The following PTPRQ variants were observed in gnomAD, a reference collection of about 807,000 sequenced individuals.
The protein encoded by PTPRQ is phosphatidylinositol phosphatase PTPRQ.
In PTPRQ, 199 loss-of-function variants were observed where a neutral mutation model predicts 246.0. That is an observed-to-expected ratio of 0.81 (90% CI 0.72 to 0.91). The LOEUF (loss-of-function observed/expected upper bound fraction) is 0.91, where lower values mean the gene tolerates loss of function less well. Among genes scored for constraint, PTPRQ ranks in the 40% least tolerant of loss-of-function variants. The pLI, the probability that PTPRQ is intolerant of heterozygous loss-of-function variation, is 0.00. For missense variants in PTPRQ, 2,624 were observed against 2,528.4 expected (o/e 1.04, Z -0.81); for synonymous variants, 869 against 853.2 (o/e 1.02, Z -0.32).
At chr12:80,615,465 A>G (rs971750687) in intron 29 of PTPRQ, among the ~76,000 whole-genome samples, 1 of 151,200 alleles carries the variant, frequency 6.6e-6, no homozygotes, top group Admixed American at 6.6e-5. Context: ...TAATATAGCA[A>G]GATAAAGTGA....
intron 35 of PTPRQ, among the ~76,000 whole-genome samples, chr12:80,636,883 G>A (rs1023204686): frequency 2.4e-4 from 37 of 152,152 alleles, no homozygotes; most frequent in African/African-American, 8.7e-4. Context: ...GCAGACTGTG[G>A]TGAGATTCAA....
chr12:80,592,565 A>G (rs1206499672), intron 26 of PTPRQ, among the ~76,000 whole-genome samples: 1 of 152,200 alleles, frequency 6.6e-6, no homozygotes, highest in African/African-American at 2.4e-5. Flanking sequence ...GGAAGTCTTG[A>G]AGAGCAATAA....
intron 28 of PTPRQ, 31 bp downstream of exon 28, chr12:80,610,656 TTGAC>T: frequency 6.5e-7 from 1 of 1,537,586 alleles, no homozygotes; most frequent in Non-Finnish European, 8.8e-7. Context: ...TTGCTAAAAA[TTGAC>T]TGAGATTTAG....
intron 26 of PTPRQ, among the ~76,000 whole-genome samples, chr12:80,602,556 C>T (rs1898177748): frequency 6.6e-6 from 1 of 151,742 alleles, no homozygotes; most frequent in South Asian, 2.1e-4. Flanking sequence ...CGCGTGTCCT[C>T]ACACAGTGGA....
At chr12:80,482,506 A>G (rs1261532607) in intron 8 of PTPRQ, among the ~76,000 whole-genome samples, 4 of 151,320 alleles carry the variant, frequency 2.6e-5, no homozygotes, top group Non-Finnish European at 4.4e-5. Flanking sequence ...AATGGCAACA[A>G]AAGACAAAAT....
Position 80,670,458 on chromosome 12 carries a change from G to A in PTPRQ, c.6568G>A (p.Ala2190Thr), listed in dbSNP as rs199746225. Reference sequence around the variant, plus strand: ...TGTGAAGTTGGTTCGAGCAAGCAGGGCACATGACACCACACCTATGATTGT... The same window carrying A: ...TGTGAAGTTGGTTCGAGCAAGCAGGACACATGACACCACACCTATGATTGT... Reference protein sequence around the residue: ...HFVKLVRASRAHDTTPMIVHC... With the variant: ...HFVKLVRASRTHDTTPMIVHC... Residue 2190 changes from alanine to threonine, a missense_variant, in exon 42 of 45, where the codon GCA (alanine) becomes ACA (threonine). Ala to Thr is a moderately conservative substitution (Grantham distance 58, BLOSUM62 0). Transcript: ENST00000644991. 1 of 1,551,136 alleles carries A rather than the reference G, an allele frequency of 6.4e-7. No homozygotes were observed. The highest frequency in any genetic ancestry group is 8.7e-7 in the Non-Finnish European group (1 of 1,146,536).
intron 7 of PTPRQ, among the ~76,000 whole-genome samples, chr12:80,470,782 A>G (rs1185907237): frequency 6.6e-6 from 1 of 152,216 alleles, no homozygotes; most frequent in Non-Finnish European, 1.5e-5. Flanking sequence ...TGTTGATTTC[A>G]GTGGATTTAA....
At chr12:80,588,698 T>C (rs1897697359) in intron 26 of PTPRQ, among the ~76,000 whole-genome samples, 1 of 152,220 alleles carries the variant, frequency 6.6e-6, no homozygotes, top group African/African-American at 2.4e-5. Context: ...GAGTCTCATA[T>C]TGCAACAGTG....
chr12:80,595,208 G>A (rs1203714892), intron 26 of PTPRQ, among the ~76,000 whole-genome samples: 4 of 152,062 alleles, frequency 2.6e-5, no homozygotes, highest in Admixed American at 2.0e-4. Flanking sequence ...TTCTCAACAA[G>A]TGAGCATATT....
At chr12:80,645,973 G>C (rs1457117349) in intron 35 of PTPRQ, among the ~76,000 whole-genome samples, 1 of 152,084 alleles carries the variant, frequency 6.6e-6, no homozygotes, top group African/African-American at 2.4e-5. Flanking sequence ...ATCTCGAATT[G>C]AGAGCTAGAA....
rs1259086423 is a variant in PTPRQ at position 80,669,340 on chromosome 12, T to C, written c.6329T>C (p.Ile2110Thr). The C allele has an allele frequency of 3.9e-6, 6 of 1,549,354 alleles. No homozygotes were observed. The Admixed American group carries it at 9.8e-5, about 25-fold the overall frequency. The change falls in exon 41 of 45, where the codon ATC (isoleucine) becomes ACC (threonine). Residue 2110 changes from isoleucine to threonine, a missense_variant and splice_region_variant. Transcript: ENST00000644991. ...MLTQCFEKGR[I>T]RCHQYWPEDN... ...ACTGATGATTTTCTCTGAATGCAGATCAGATGCCATCAGTATTGGCCAGAG... is the reference window on the plus strand; with the variant it reads ...ACTGATGATTTTCTCTGAATGCAGACCAGATGCCATCAGTATTGGCCAGAG...
At chr12:80,659,641 C>T (rs1290355325) in intron 39 of PTPRQ, among the ~76,000 whole-genome samples, 1 of 151,972 alleles carries the variant, frequency 6.6e-6, no homozygotes, top group East Asian at 1.9e-4. Flanking sequence ...TTCGCAAACC[C>T]CCAGTGTCCC....
At chr12:80,495,833 G>C (rs11114481) in intron 12 of PTPRQ, among the ~76,000 whole-genome samples, 166 bp from the exon 13 acceptor site, 1 of 151,710 alleles carries the variant, frequency 6.6e-6, no homozygotes, top group Non-Finnish European at 1.5e-5. Flanking sequence ...TCACCAACAT[G>C]GAAAGGCCTA....
intron 33 of PTPRQ, among the ~76,000 whole-genome samples, chr12:80,628,918 C>T (rs1899307984): frequency 6.6e-6 from 1 of 151,866 alleles, no homozygotes; most frequent in Non-Finnish European, 1.5e-5. Context: ...CTCAGGCTGC[C>T]ATCACAAAAT....
chr12:80,457,139 T>C (rs947719942), intron 3 of PTPRQ, among the ~76,000 whole-genome samples: 4 of 152,264 alleles, frequency 2.6e-5, no homozygotes, highest in Admixed American at 6.5e-5. Context: ...AATTTATTTT[T>C]TTAAAACAGT....
Position 80,506,146 on chromosome 12 carries a change from A to T in PTPRQ, c.2395A>T (p.Arg799Ter). Reference protein sequence around the residue: ...IIQKYTIYLKRSNGNEERTIN... With the variant: ...IIQKYTIYLK ...ACAAAAATATACAATTTATCTCAAGAGAAGTAATGGAAATGAGGAAAGAAC... is the reference window on the plus strand; with the variant it reads ...ACAAAAATATACAATTTATCTCAAGTGAAGTAATGGAAATGAGGAAAGAAC... The change falls in exon 15 of 45, where the codon AGA (arginine) becomes TGA (stop). Residue 799 changes from arginine (R) to a stop codon, truncating the protein, a stop_gained. Coordinates refer to ENST00000644991, the MANE Select transcript of PTPRQ (RefSeq NM_001145026.2). LOFTEE classifies it high-confidence loss of function. The T allele has an allele frequency of 6.5e-7, 1 of 1,535,372 alleles. No individual in the cohort carries two copies. The highest frequency in any genetic ancestry group is 8.8e-7 in the Non-Finnish European group (1 of 1,141,188).
chr12:80,589,606 G>C (rs751727935), intron 26 of PTPRQ, among the ~76,000 whole-genome samples: 28 of 152,202 alleles, frequency 1.8e-4, no homozygotes, highest in Non-Finnish European at 3.8e-4. Context: ...GCCACCAATT[G>C]TGTCTCCTGT....
intron 29 of PTPRQ, 104 bp downstream of exon 29, chr12:80,613,940 C>A (rs1270804409): frequency 3.1e-6 from 4 of 1,274,892 alleles, no homozygotes; most frequent in East Asian, 3.0e-5. Flanking sequence ...TTTCCCATAT[C>A]TTTTTGTGAG....
At chr12:80,640,988 G>T (rs1899835251) in intron 35 of PTPRQ, among the ~76,000 whole-genome samples, 1 of 152,156 alleles carries the variant, frequency 6.6e-6, no homozygotes, top group African/African-American at 2.4e-5. Context: ...CTGATGGGTG[G>T]AAACTATATT....
Sources: gnomAD v4.1 joint callset for allele counts (sites outside exome capture counted in the v4.1 genomes callset) on GRCh38, gnomAD v4.1.1 for gene constraint, MANE v1.5 for transcripts, NCBI Gene and HGNC (gene_info 2026-07-23, HGNC 2026-07-21) for gene names.